Variants in LRRTM4 observed in about 807,000 individuals in gnomAD.
LRRTM4 encodes the protein leucine-rich repeat transmembrane neuronal protein 4.
LRRTM4 carries 25 observed loss-of-function variants against 47.6 expected under a neutral mutation model. The ratio of observed to expected loss-of-function variants is 0.53; its 90% CI spans 0.38 to 0.73. LRRTM4 has a LOEUF of 0.73. LRRTM4 is among the 30% of genes least tolerant of loss of function. LRRTM4 has a pLI of 0.00. For missense variants in LRRTM4, 638 were observed against 713.4 expected, an observed-to-expected ratio of 0.89 and a Z score of 1.20; for synonymous variants, 311 against 269.5, an observed-to-expected ratio of 1.15 and a Z score of -1.51.
intron 3 of LRRTM4, among the ~76,000 whole-genome samples, chr2:76,956,786 A>C (rs1675688553): frequency 6.6e-6 from 1 of 151,498 alleles, no homozygotes; most frequent in Non-Finnish European, 1.5e-5. Context: ...ACAAAAGAAA[A>C]AGGATTTCAA....
intron 3 of LRRTM4, among the ~76,000 whole-genome samples, chr2:77,110,188 T>G (rs1671213133): frequency 6.6e-6 from 1 of 152,102 alleles, no homozygotes; most frequent in Admixed American, 6.6e-5. Context: ...AACATCAAAA[T>G]AATGAGTGAT....
At chr2:77,215,038 G>A (rs548027094) in intron 3 of LRRTM4, among the ~76,000 whole-genome samples, 1 of 152,042 alleles carries the variant, frequency 6.6e-6, no homozygotes. Context: ...AGAGGATAAG[G>A]ACTAGCCATA....
At chr2:76,860,665 A>G (rs1410399079) in intron 3 of LRRTM4, among the ~76,000 whole-genome samples, 2 of 152,224 alleles carry the variant, frequency 1.3e-5, no homozygotes, top group Admixed American at 6.6e-5. Flanking sequence ...TTCTGTTTGC[A>G]CTTCTTAATT....
chr2:76,946,318 G>A (rs895317947), intron 3 of LRRTM4, among the ~76,000 whole-genome samples: 3 of 151,864 alleles, frequency 2.0e-5, no homozygotes, highest in African/African-American at 7.2e-5. Flanking sequence ...TACGTGTGTA[G>A]AGGAAAAGTC....
At chr2:76,987,786 C>T (rs1676854991) in intron 3 of LRRTM4, among the ~76,000 whole-genome samples, 1 of 151,830 alleles carries the variant, frequency 6.6e-6, no homozygotes, top group South Asian at 2.1e-4. Flanking sequence ...GGTGTTCCTC[C>T]ACTTTGGAGG....
At chr2:76,792,681 C>G (rs949852574) in intron 3 of LRRTM4, among the ~76,000 whole-genome samples, 9 of 151,024 alleles carry the variant, frequency 6.0e-5, no homozygotes, top group African/African-American at 2.2e-4. Context: ...GATGAAGACC[C>G]TCTTATAGAC....
chr2:76,899,950 C>A (rs1023637747), intron 3 of LRRTM4, among the ~76,000 whole-genome samples: 1 of 151,988 alleles, frequency 6.6e-6, no homozygotes, highest in Non-Finnish European at 1.5e-5. Flanking sequence ...TAGTAGACAC[C>A]AGGTGCGGTG....
intron 3 of LRRTM4, among the ~76,000 whole-genome samples, chr2:76,836,416 G>A (rs915490471): frequency 1.3e-5 from 2 of 151,778 alleles, no homozygotes; most frequent in Non-Finnish European, 2.9e-5. Context: ...GTCTATGCCA[G>A]CATTTGCAAA....
chr2:77,345,087 ACT>A (rs1456492348), intron 3 of LRRTM4, among the ~76,000 whole-genome samples: 2 of 151,250 alleles, frequency 1.3e-5, no homozygotes, highest in African/African-American at 4.8e-5. Flanking sequence ...ATAGTAAAAC[ACT>A]CAATAAAAAT....
At chr2:77,030,249 A>G (rs1005223257) in intron 3 of LRRTM4, among the ~76,000 whole-genome samples, 1 of 152,024 alleles carries the variant, frequency 6.6e-6, no homozygotes, top group South Asian at 2.1e-4. Flanking sequence ...TGGCTAACAC[A>G]GTGAAACCCT....
intron 3 of LRRTM4, among the ~76,000 whole-genome samples, chr2:77,403,345 A>G (rs1674038051): frequency 6.6e-6 from 1 of 151,922 alleles, no homozygotes; most frequent in African/African-American, 2.4e-5. Context: ...TGTCTTTTTC[A>G]TATGATGGGA....
In LRRTM4 at chr2:77,115,607, G is replaced by A. The variant is rs551872877; in HGVS notation, c.1552-366691C>T. The stretch of plus-strand genomic sequence containing the variant: ...GGTCCCTGACTTCCCTCAACAGAAA[G>A]CAAAACACAAGTCCTAAGTATAACA... On this transcript the variant is annotated intron_variant, in intron 3 of 3. Transcript: ENST00000409884. 9.9e-5 allele frequency among the ~76,000 whole-genome samples: 15 copies of A among 152,166 alleles called. 1 individual carries two copies. In the South Asian group the frequency reaches 3.1e-3, roughly 32 times the overall value.
At chr2:77,193,121 C>A (rs867904188) in intron 3 of LRRTM4, among the ~76,000 whole-genome samples, 1 of 152,102 alleles carries the variant, frequency 6.6e-6, no homozygotes, top group Non-Finnish European at 1.5e-5. Context: ...TGCTTGGATA[C>A]GCAAGTACTT....
intron 3 of LRRTM4, among the ~76,000 whole-genome samples, chr2:76,940,722 G>C (rs9309507): frequency 0.29 from 43,985 of 152,000 alleles, 8,276 homozygotes; most frequent in African/African-American, 0.54. Context: ...TACTATGTAC[G>C]TCAGAAAGAG....
intron 3 of LRRTM4, among the ~76,000 whole-genome samples, chr2:76,874,111 CT>C (rs887538482): frequency 6.0e-4 from 88 of 145,550 alleles, no homozygotes; most frequent in African/African-American, 1.3e-3. Context: ...GTAATGTCTG[CT>C]TTTTTTTTTT....
At chr2:76,943,524 C>A (rs13416944) in intron 3 of LRRTM4, among the ~76,000 whole-genome samples, 34,220 of 152,054 alleles carry the variant, frequency 0.23, 4,577 homozygotes, top group African/African-American at 0.37. Context: ...TCACTGGCAA[C>A]AGTTATTGTG....
chr2:77,461,100 G>A (rs949711586), intron 3 of LRRTM4, among the ~76,000 whole-genome samples: 7 of 150,966 alleles, frequency 4.6e-5, no homozygotes, highest in African/African-American at 1.7e-4. Flanking sequence ...GTCAGTAAAT[G>A]TCAGTGTATT....
intron 3 of LRRTM4, among the ~76,000 whole-genome samples, chr2:76,933,357 GC>G (rs1279350899): frequency 6.6e-6 from 1 of 151,934 alleles, no homozygotes; most frequent in Non-Finnish European, 1.5e-5. Context: ...GCAAAAATAG[GC>G]ATGTTTTTAT....
At chr2:76,755,515 G>A (rs1244399763) in intron 3 of LRRTM4, among the ~76,000 whole-genome samples, 3 of 152,112 alleles carry the variant, frequency 2.0e-5, no homozygotes, top group African/African-American at 7.2e-5. Context: ...ACTTCTGCAA[G>A]ACAGAGAGGA....
Sources: gnomAD v4.1 joint callset for allele counts (sites outside exome capture counted in the v4.1 genomes callset) on GRCh38, gnomAD v4.1.1 for gene constraint, MANE v1.5 for transcripts, NCBI Gene and HGNC (gene_info 2026-07-23, HGNC 2026-07-21) for gene names.